The following JAK1 variants were observed in gnomAD, a reference collection of about 807,000 sequenced individuals.
JAK1 encodes the protein tyrosine-protein kinase JAK1.
A neutral mutation model predicts 136.6 loss-of-function variants in JAK1; 16 were observed. The ratio of observed to expected loss-of-function variants is 0.12; its 90% CI spans 0.08 to 0.18. The LOEUF (loss-of-function observed/expected upper bound fraction) is 0.18. Among genes scored for constraint, JAK1 ranks in the 10% least tolerant of loss-of-function variants. JAK1 has a pLI of 1.00. For missense variants in JAK1, 859 were observed against 1,450.1 expected, an observed-to-expected ratio of 0.59 and a Z score of 6.62; for synonymous variants, 492 against 519.5, an observed-to-expected ratio of 0.95 and a Z score of 0.72.
At chr1:65,036,412 G>A (rs1187597966) in intron 2 of JAK1, among the ~76,000 whole-genome samples, 1 of 152,138 alleles carries the variant, frequency 6.6e-6, no homozygotes, top group African/African-American at 2.4e-5. Context: ...TCCAGCCTGG[G>A]CAACACAGTG....
At chr1:64,847,023 C>A in intron 13 of JAK1, 1 of 509,666 alleles carries the variant, frequency 2.0e-6, no homozygotes, top group South Asian at 2.8e-5. Context: ...TACTCATGCC[C>A]ACCTCTCTCT....
chr1:64,953,247 C>T (rs184858790), intron 1 of JAK1, among the ~76,000 whole-genome samples: 30 of 152,312 alleles, frequency 2.0e-4, no homozygotes, highest in Admixed American at 1.9e-3. Flanking sequence ...GGATCCCAGG[C>T]ACTGTCTGAA....
intron 1 of JAK1, among the ~76,000 whole-genome samples, chr1:65,048,710 C>T (rs1357400644): frequency 6.6e-6 from 1 of 152,186 alleles, no homozygotes; most frequent in East Asian, 1.9e-4. Flanking sequence ...CTTCACAGAG[C>T]CTGCAAGTCA....
Position 64,866,992 on chromosome 1 carries a change from A to G in JAK1, c.864T>C (p.Thr288=). The change falls in exon 7 of 25, where the codon ACT becomes ACC. Residue 288 remains threonine, a synonymous_variant. Transcript: ENST00000342505. ...TTTCTGATGAAATCAGTAACATGGAAGTCTCAAATATTTCAGCACCGTAAT... is the reference window on the plus strand; with the variant it reads ...TTTCTGATGAAATCAGTAACATGGAGGTCTCAAATATTTCAGCACCGTAAT... The part of the protein sequence containing the change: ...TKHYGAEIFE[T]SMLLISSENE... The G allele has an allele frequency of 6.2e-7, 1 of 1,614,226 alleles. No individual in the cohort carries two copies. The highest frequency in any genetic ancestry group is 8.5e-7 in the Non-Finnish European group (1 of 1,180,014).
intron 2 of JAK1, chr1:64,986,086 TCCCCCATGGC>T (rs1378298121): frequency 1.0e-6 from 1 of 967,074 alleles, no homozygotes; most frequent in Non-Finnish European, 1.6e-6. Flanking sequence ...ACCTTCTATG[TCCCCCATGGC>T]CTCAATCTAA....
At chr1:64,906,728 T>G (rs895422680) in intron 1 of JAK1, among the ~76,000 whole-genome samples, 1 of 152,186 alleles carries the variant, frequency 6.6e-6, no homozygotes, top group Admixed American at 6.6e-5. Flanking sequence ...GGTGAGTGAA[T>G]ACATAAATAT....
chr1:64,959,594 C>G (rs1206813054), intron 1 of JAK1, among the ~76,000 whole-genome samples: 1 of 152,190 alleles, frequency 6.6e-6, no homozygotes, highest in Non-Finnish European at 1.5e-5. Context: ...AGTATCTTCA[C>G]ATTAACTTTC....
chr1:65,039,308 A>C (rs1212282987), intron 2 of JAK1, among the ~76,000 whole-genome samples: 3 of 152,196 alleles, frequency 2.0e-5, no homozygotes, highest in African/African-American at 4.8e-5. Flanking sequence ...TGGAGTATAG[A>C]GATAACTCAA....
Position 64,985,649 on chromosome 1 carries a change from G to C in JAK1, c.-78+58831C>G, listed in dbSNP as rs780514431. Reference sequence around the variant, plus strand: ...TGAGAGTGCCAAAGACACCTTGCAGGCCAATAGGTGAGATGTCTCCGATGT... The same window carrying C: ...TGAGAGTGCCAAAGACACCTTGCAGCCCAATAGGTGAGATGTCTCCGATGT... On this transcript the variant is annotated intron_variant, in intron 2 of 25. Transcript: ENST00000671954. 246 of 743,784 alleles carry C rather than the reference G, an allele frequency of 3.3e-4. 1 individual carries two copies. The highest frequency in any genetic ancestry group is 1.2e-3 in the Middle Eastern group (5 of 4,036). 46.1% of individuals were successfully genotyped at this position (743,784 alleles called of 1,614,324 possible).
intron 2 of JAK1, chr1:64,987,248 T>C (rs1646608720): frequency 1.3e-5 from 2 of 152,192 alleles, no homozygotes; most frequent in African/African-American, 4.8e-5. Context: ...TGCATATCTA[T>C]TCACTCTACC....
intron 17 of JAK1, among the ~76,000 whole-genome samples, chr1:64,843,792 C>T (rs944783568): frequency 6.6e-6 from 1 of 152,170 alleles, no homozygotes; most frequent in Non-Finnish European, 1.5e-5. Context: ...ATCTATCGAG[C>T]TTGTACTGCA....
intron 2 of JAK1, among the ~76,000 whole-genome samples, chr1:64,979,408 G>T (rs971804463): frequency 6.6e-6 from 1 of 152,078 alleles, no homozygotes; most frequent in African/African-American, 2.4e-5. Flanking sequence ...CTAAAAAAAA[G>T]AAATAAAATG....
intron 2 of JAK1, among the ~76,000 whole-genome samples, chr1:65,033,521 ACAACT>A (rs1647041829): frequency 6.6e-6 from 1 of 152,022 alleles, no homozygotes; most frequent in African/African-American, 2.4e-5. Context: ...GTGACTGAAT[ACAACT>A]CTTAAATTAT....
At chr1:64,960,603 C>G (rs1177018417) in intron 1 of JAK1, among the ~76,000 whole-genome samples, 1 of 152,328 alleles carries the variant, frequency 6.6e-6, no homozygotes, top group Non-Finnish European at 1.5e-5. Context: ...CTAGGTTTCA[C>G]AGTCAACCTT....
chr1:64,913,641 G>GAGGAAGGAAAGA lies in JAK1; in HGVS notation c.-77-27301_-77-27300insTCTTTCCTTCCT, dbSNP rs1570760069. On this transcript the variant is annotated intron_variant, in intron 1 of 24. Coordinates refer to ENST00000342505, the MANE Select transcript of JAK1 (RefSeq NM_002227.4). ...TTTGGGAGGGAGGGAGGGAGGAAGGGAGGAAGGAAGGAAAGAAGGAAGGAA... is the reference window on the plus strand; with the variant it reads ...TTTGGGAGGGAGGGAGGGAGGAAGGGAGGAAGGAAAGAAGGAAGGAAGGAAAGAAGGAAGGAA... Among the ~76,000 whole-genome samples, 7 of 56,880 alleles carry GAGGAAGGAAAGA rather than the reference G, an allele frequency of 1.2e-4. No homozygotes were observed. The East Asian group carries it at 3.8e-3, about 31-fold the overall frequency. 37.3% of individuals were successfully genotyped at this position (56,880 alleles called of 152,430 possible).
At chr1:64,855,304 G>A (rs534258277) in intron 11 of JAK1, among the ~76,000 whole-genome samples, 4 of 152,314 alleles carry the variant, frequency 2.6e-5, no homozygotes, top group African/African-American at 9.6e-5. Context: ...TGCTGAGAAA[G>A]GTATATGCCT....
intron 2 of JAK1, chr1:64,974,440 A>C (rs958369124): frequency 6.6e-6 from 1 of 152,210 alleles, no homozygotes; most frequent in Non-Finnish European, 1.5e-5. Context: ...AATTGCAATC[A>C]TACTACCCAG....
At chr1:64,871,339 C>T (rs1657060596) in intron 5 of JAK1, among the ~76,000 whole-genome samples, 1 of 152,118 alleles carries the variant, frequency 6.6e-6, no homozygotes, top group African/African-American at 2.4e-5. Flanking sequence ...ATAAACAGAA[C>T]GTGTACAGGA....
intron 2 of JAK1, among the ~76,000 whole-genome samples, chr1:65,010,361 C>T (rs1393360426): frequency 6.6e-6 from 1 of 152,168 alleles, no homozygotes; most frequent in Non-Finnish European, 1.5e-5. Flanking sequence ...CCTCAGAACA[C>T]TTGCTCTGAG....
Sources: gnomAD v4.1 joint callset for allele counts (sites outside exome capture counted in the v4.1 genomes callset) on GRCh38, gnomAD v4.1.1 for gene constraint, MANE v1.5 for transcripts, NCBI Gene and HGNC (gene_info 2026-07-23, HGNC 2026-07-21) for gene names.